The following ZNF804B variants were observed in gnomAD, a reference collection of about 807,000 sequenced individuals.
ZNF804B encodes the protein zinc finger protein 804B.
ZNF804B carries 80 observed loss-of-function variants against 101.4 expected under a neutral mutation model. The ratio of observed to expected loss-of-function variants is 0.79; its 90% CI spans 0.66 to 0.95. The LOEUF (loss-of-function observed/expected upper bound fraction) is 0.95. ZNF804B is among the 40% of genes least tolerant of loss of function. The probability of loss-of-function intolerance (pLI) is 0.00; values close to 1 mark genes in which losing one functional copy is unlikely to be tolerated. For missense variants in ZNF804B, 1,673 were observed against 1,561.9 expected, an observed-to-expected ratio of 1.07 and a Z score of -1.20; for synonymous variants, 622 against 558.8, an observed-to-expected ratio of 1.11 and a Z score of -1.59.
At chr7:88,882,166 T>C (rs1040421165) in intron 1 of ZNF804B, among the ~76,000 whole-genome samples, 3 of 152,124 alleles carry the variant, frequency 2.0e-5, no homozygotes, top group Non-Finnish European at 4.4e-5. Flanking sequence ...GCTTCATTTT[T>C]AGAATTAACA....
At chr7:88,809,052 G>T (rs907819890) in intron 1 of ZNF804B, among the ~76,000 whole-genome samples, 2 of 152,082 alleles carry the variant, frequency 1.3e-5, no homozygotes, top group Admixed American at 1.3e-4. Flanking sequence ...ATTTATAGTA[G>T]AAGTATCTAA....
Position 89,087,763 on chromosome 7 carries a change from T to C in ZNF804B, c.109-130392T>C, listed in dbSNP as rs552277263. On this transcript the variant is annotated intron_variant, in intron 1 of 3. Coordinates refer to ENST00000333190, the MANE Select transcript of ZNF804B (RefSeq NM_181646.5). ...ACTAGTAATTCTACTTTCTACTTTC[T>C]TTCTTTTCCCAAATCTTTCATTGCT... 1.4e-4 allele frequency among the ~76,000 whole-genome samples: 22 copies of C among 152,044 alleles called. 1 individual carries two copies. The highest frequency in any genetic ancestry group is 5.3e-4 in the African/African-American group (22 of 41,544).
At chr7:88,934,250 T>A (rs1315014918) in intron 1 of ZNF804B, among the ~76,000 whole-genome samples, 1 of 151,992 alleles carries the variant, frequency 6.6e-6, no homozygotes, top group Non-Finnish European at 1.5e-5. Context: ...TCTCACTTTT[T>A]ACAAAAATCA....
At chr7:89,182,012 C>T (rs1471156823) in intron 1 of ZNF804B, among the ~76,000 whole-genome samples, 2 of 152,186 alleles carry the variant, frequency 1.3e-5, no homozygotes, top group African/African-American at 4.8e-5. Context: ...TGTAATCTTT[C>T]TGAATTGACA....
At chr7:89,266,024 T>G (rs1343713841) in intron 2 of ZNF804B, among the ~76,000 whole-genome samples, 2 of 152,224 alleles carry the variant, frequency 1.3e-5, no homozygotes, top group African/African-American at 4.8e-5. Flanking sequence ...ATGAAAGTAT[T>G]CTGCTATTGC....
chr7:89,148,659 C>G (rs904074179), intron 1 of ZNF804B, among the ~76,000 whole-genome samples: 3 of 151,952 alleles, frequency 2.0e-5, no homozygotes, highest in Non-Finnish European at 4.4e-5. Flanking sequence ...CCCAGATTTA[C>G]CCAGGAAAAC....
intron 1 of ZNF804B, among the ~76,000 whole-genome samples, chr7:89,146,687 G>A (rs1396799585): frequency 6.6e-6 from 1 of 151,822 alleles, no homozygotes; most frequent in Non-Finnish European, 1.5e-5. Flanking sequence ...AGTCGAATTA[G>A]GATAAAAAGA....
At chr7:89,265,352 T>C (rs1789777351) in intron 2 of ZNF804B, among the ~76,000 whole-genome samples, 1 of 152,180 alleles carries the variant, frequency 6.6e-6, no homozygotes, top group African/African-American at 2.4e-5. Flanking sequence ...TGGGATATTT[T>C]AGTAAATAAA....
chr7:88,812,758 T>A (rs1790809349), intron 1 of ZNF804B, among the ~76,000 whole-genome samples: 1 of 152,080 alleles, frequency 6.6e-6, no homozygotes, highest in African/African-American at 2.4e-5. Flanking sequence ...ACAACACGAA[T>A]GAACCTGGAA....
chr7:89,277,502 C>CCCCCA (rs1790006576), intron 2 of ZNF804B, among the ~76,000 whole-genome samples: 1 of 77,178 alleles, frequency 1.3e-5, no homozygotes, highest in African/African-American at 5.2e-5. Flanking sequence ...CTCCCCCCTA[C>CCCCCA]CCCCACCCCA....
At chr7:89,244,529 A>T in intron 2 of ZNF804B, among the ~76,000 whole-genome samples, 1 of 152,174 alleles carries the variant, frequency 6.6e-6, no homozygotes, top group South Asian at 2.1e-4. Context: ...GGTATGCAAA[A>T]TCGAAAATAA....
In ZNF804B at chr7:89,283,142, C is replaced by T. The variant is rs150415744; in HGVS notation, c.250-44202C>T. Among the ~76,000 whole-genome samples the T allele has an allele frequency of 2.4e-3, 362 of 151,848 alleles. 2 individuals are homozygous for T. Among genetic ancestry groups the T allele is most frequent in the South Asian group, 8.5e-3 (41 of 4,808 alleles). On this transcript the variant is annotated intron_variant, in intron 2 of 3. Coordinates refer to ENST00000333190, the MANE Select transcript of ZNF804B (RefSeq NM_181646.5). ...ATATGTTCAGGATACTTTAAACATTCGATAAATTAACAACAGAAGGTCCTG... is the reference window on the plus strand; with the variant it reads ...ATATGTTCAGGATACTTTAAACATTTGATAAATTAACAACAGAAGGTCCTG...
chr7:88,828,874 G>GA (rs530842992), intron 1 of ZNF804B, among the ~76,000 whole-genome samples: 4 of 152,070 alleles, frequency 2.6e-5, no homozygotes, highest in South Asian at 4.1e-4. Context: ...AGAATTTAGA[G>GA]AAAAAACCCA....
intron 1 of ZNF804B, among the ~76,000 whole-genome samples, chr7:88,810,544 C>A (rs1020759807): frequency 5.3e-5 from 8 of 151,750 alleles, no homozygotes; most frequent in African/African-American, 1.9e-4. Flanking sequence ...CACCTGTAGT[C>A]CCAGCTACTC....
rs113627022 is a variant in ZNF804B, at chr7:89,234,351, C to T, written c.249+16056C>T. 6.9e-3 allele frequency among the ~76,000 whole-genome samples: 1,053 copies of T among 151,982 alleles called. 10 individuals are homozygous for T. The highest frequency in any genetic ancestry group is 0.01 in the Non-Finnish European group (694 of 67,980). Reference sequence around the variant, plus strand: ...AAGTGTATTAAATTGACTACTACTCCATACCCAGAGTCTTTACCCACTCTT... The same window carrying T: ...AAGTGTATTAAATTGACTACTACTCTATACCCAGAGTCTTTACCCACTCTT... On this transcript the variant is annotated intron_variant, in intron 2 of 3. Coordinates refer to ENST00000333190, the MANE Select transcript of ZNF804B (RefSeq NM_181646.5).
chr7:89,007,504 ATATAATTATATATAATATAATATATCTAT>A (rs1788385056), intron 1 of ZNF804B, among the ~76,000 whole-genome samples: 1 of 43,596 alleles, frequency 2.3e-5, no homozygotes, highest in Non-Finnish European at 5.3e-5. Flanking sequence ...AATATAATAC[ATATAATTATATATAATATAATATATCTAT>A]TATAATTATA....
chr7:89,259,196 G>A (rs571816079), intron 2 of ZNF804B, among the ~76,000 whole-genome samples: 1 of 152,302 alleles, frequency 6.6e-6, no homozygotes, highest in Admixed American at 6.5e-5. Context: ...TGGTTCAGAA[G>A]CCTTAATTTC....
Position 89,138,175 on chromosome 7 carries a change from G to A in ZNF804B, c.109-79980G>A, listed in dbSNP as rs566917664. On this transcript the variant is annotated intron_variant, in intron 1 of 3. Transcript: ENST00000333190. ...GGCTTTCATGGAGAATCTCTGCTAG[G>A]GCAGTGCAGAAGGGAAATGTGGGAT... Among the ~76,000 whole-genome samples, 63 of 152,218 alleles carry A rather than the reference G, an allele frequency of 4.1e-4. 1 individual carries two copies. In the South Asian group the frequency reaches 0.012, roughly 30 times the overall value.
intron 1 of ZNF804B, among the ~76,000 whole-genome samples, chr7:88,973,196 A>G (rs1354746514): frequency 1.3e-5 from 2 of 150,976 alleles, no homozygotes; most frequent in African/African-American, 4.8e-5. Context: ...ATAATGTGCA[A>G]TCTTTTTTTT....
Sources: allele counts gnomAD v4.1 joint callset (sites outside exome capture counted in the v4.1 genomes callset), GRCh38; gene constraint gnomAD v4.1.1; transcripts MANE v1.5; gene names NCBI Gene and HGNC (gene_info 2026-07-23, HGNC 2026-07-21).